The following SUGCT variants were observed in gnomAD, a reference collection of about 807,000 sequenced individuals.
The protein encoded by SUGCT is succinyl-CoA:glutarate-CoA transferase.
A neutral mutation model predicts 55.0 loss-of-function variants in SUGCT; 41 were observed. The observed-to-expected ratio is 0.74, with a 90% CI of 0.58 to 0.97. The LOEUF (loss-of-function observed/expected upper bound fraction) is 0.97. Among genes scored for constraint, SUGCT ranks in the 50% least tolerant of loss-of-function variants. The pLI is 0.00. For synonymous variants in SUGCT, 187 were observed against 200.4 expected, an observed-to-expected ratio of 0.93 and a Z score of 0.56; for missense variants, 568 against 547.8, an observed-to-expected ratio of 1.04 and a Z score of -0.37.
chr7:40,713,359 C>T (rs1189062794), intron 12 of SUGCT, among the ~76,000 whole-genome samples: 1 of 152,156 alleles, frequency 6.6e-6, no homozygotes, highest in Non-Finnish European at 1.5e-5. Context: ...ATTTCCTTAG[C>T]CCCTTCTAAG....
At chr7:40,166,210 T>G (rs1463647032) in intron 1 of SUGCT, among the ~76,000 whole-genome samples, 1 of 152,220 alleles carries the variant, frequency 6.6e-6, no homozygotes, top group East Asian at 1.9e-4. Context: ...ACATTTCATT[T>G]AAAACTTGCA....
Position 40,459,153 on chromosome 7 carries a change from T to G in SUGCT, c.941T>G (p.Leu314Arg). 6.2e-7 allele frequency: 1 copy of G among 1,611,830 alleles called. No homozygotes were observed. Among genetic ancestry groups the G allele is most frequent in the Non-Finnish European group, 8.5e-7 (1 of 1,178,628 alleles). ...AATTCCAAGTATAAAACTAACCACC[T>G]TCGGGTACACAATAGAAAAGAGCTT... ...IDNSKYKTNH[L>R]RVHNRKELIK... Residue 314 changes from leucine (L) to arginine (R), a missense_variant, in exon 11 of 14, where the codon CTT (leucine) becomes CGT (arginine). Physicochemically the swap from Leu to Arg is moderately radical, Grantham distance 102. Coordinates refer to ENST00000335693, the MANE Select transcript of SUGCT (RefSeq NM_001193313.2).
At chr7:40,808,632 G>T (rs543684691) in intron 13 of SUGCT, among the ~76,000 whole-genome samples, 16 of 152,332 alleles carry the variant, frequency 1.1e-4, no homozygotes, top group Middle Eastern at 3.4e-3. Flanking sequence ...TGGTAAGGAA[G>T]AACATTCCTC....
Position 40,459,121 on chromosome 7 carries a change from G to T in SUGCT, c.909G>T (p.Leu303Phe). The T allele has an allele frequency of 6.2e-7, 1 of 1,610,680 alleles. No individual in the cohort carries two copies. Among genetic ancestry groups the T allele is most frequent in the South Asian group, 1.1e-5 (1 of 90,946 alleles). ...TTTAGATCTTGGATTTGCCTGAGTT[G>T]ATTGATAATTCCAAGTATAAAACTA... ...TVCKILDLPE[L>F]IDNSKYKTNH... The change falls in exon 11 of 14, where the codon TTG becomes TTT. Residue 303 changes from leucine (L) to phenylalanine (F), a missense_variant. Leu to Phe is a conservative substitution (Grantham distance 22). Transcript: ENST00000335693.
Position 40,499,820 on chromosome 7 carries a change from G to A in SUGCT, c.1089+3434G>A, listed in dbSNP as rs141986235. 5.4e-3 allele frequency among the ~76,000 whole-genome samples: 816 copies of A among 152,162 alleles called. 12 individuals are homozygous for A. The highest frequency in any genetic ancestry group is 0.018 in the African/African-American group (761 of 41,506). ...ATCTTCTTTTAATCAAGCCAAGATT[G>A]TGCAGTACATTAAAGGAATTCTTAA... is the stretch of plus-strand genomic sequence containing the variant. On this transcript the variant is annotated intron_variant, in intron 12 of 13. Coordinates refer to ENST00000335693, the MANE Select transcript of SUGCT (RefSeq NM_001193313.2).
intron 12 of SUGCT, among the ~76,000 whole-genome samples, chr7:40,712,208 T>C (rs1785763117): frequency 1.3e-5 from 2 of 152,248 alleles, no homozygotes; most frequent in Non-Finnish European, 2.9e-5. Flanking sequence ...TTACTAAACA[T>C]TCATCTTGTA....
intron 9 of SUGCT, among the ~76,000 whole-genome samples, chr7:40,342,194 A>C (rs1308027106): frequency 6.6e-6 from 1 of 152,216 alleles, no homozygotes; most frequent in African/African-American, 2.4e-5. Context: ...TTGATTTTTG[A>C]ACCTCTCTAA....
At chr7:40,241,736 A>G (rs1203352784) in intron 7 of SUGCT, among the ~76,000 whole-genome samples, 2 of 151,942 alleles carry the variant, frequency 1.3e-5, no homozygotes, top group Non-Finnish European at 2.9e-5. Flanking sequence ...CCTGGCCAAC[A>G]TGCTGAAACC....
intron 12 of SUGCT, among the ~76,000 whole-genome samples, chr7:40,598,815 A>G (rs903786709): frequency 2.6e-5 from 4 of 151,422 alleles, no homozygotes; most frequent in East Asian, 2.0e-4. Flanking sequence ...ATAGTGTGCA[A>G]ATTTTCAAAC....
At chr7:40,275,888 T>C (rs1792438376) in intron 8 of SUGCT, among the ~76,000 whole-genome samples, 1 of 152,202 alleles carries the variant, frequency 6.6e-6, no homozygotes, top group South Asian at 2.1e-4. Context: ...TATGTGGAAG[T>C]TGATTCTGAA....
intron 9 of SUGCT, among the ~76,000 whole-genome samples, chr7:40,440,606 A>G (rs186340022): frequency 6.6e-6 from 1 of 152,148 alleles, no homozygotes; most frequent in East Asian, 1.9e-4. Context: ...CTCAACCATG[A>G]TATTCATGAT....
chr7:40,599,085 G>A (rs1318577020), intron 12 of SUGCT, among the ~76,000 whole-genome samples: 1 of 152,122 alleles, frequency 6.6e-6, no homozygotes, highest in African/African-American at 2.4e-5. Flanking sequence ...TGTTGCTGCT[G>A]CCAACTTCCG....
At chr7:40,608,440 T>C (rs1002119359) in intron 12 of SUGCT, among the ~76,000 whole-genome samples, 1 of 152,204 alleles carries the variant, frequency 6.6e-6, no homozygotes, top group African/African-American at 2.4e-5. Flanking sequence ...TTTCAACACA[T>C]GTAAGCCTAA....
At chr7:40,647,625 T>A (rs1172300840) in intron 12 of SUGCT, among the ~76,000 whole-genome samples, 1 of 151,844 alleles carries the variant, frequency 6.6e-6, no homozygotes, top group Non-Finnish European at 1.5e-5. Flanking sequence ...CCAAGGTGGG[T>A]GGATCACCTG....
intron 13 of SUGCT, among the ~76,000 whole-genome samples, chr7:40,858,403 CAAAA>C (rs58628576): frequency 2.0e-4 from 7 of 34,752 alleles, no homozygotes; most frequent in Non-Finnish European, 2.8e-4. Flanking sequence ...AATTCCATCT[CAAAA>C]AAAAAAAAAA....
intron 7 of SUGCT, among the ~76,000 whole-genome samples, chr7:40,244,928 T>G (rs1789717683): frequency 1.3e-5 from 2 of 152,150 alleles, no homozygotes; most frequent in African/African-American, 4.8e-5. Flanking sequence ...AATATAAATC[T>G]CCTTTCCTCT....
At chr7:40,285,740 G>C (rs564030742) in intron 8 of SUGCT, among the ~76,000 whole-genome samples, 89 of 152,134 alleles carry the variant, frequency 5.9e-4, no homozygotes, top group Non-Finnish European at 1.0e-3. Context: ...GAATGGGTAT[G>C]AGGTATAACG....
chr7:40,641,052 C>T (rs1800248156), intron 12 of SUGCT, among the ~76,000 whole-genome samples: 1 of 152,200 alleles, frequency 6.6e-6, no homozygotes, highest in Non-Finnish European at 1.5e-5. Flanking sequence ...AGTTCAAATA[C>T]CCTTCGTGAT....
chr7:40,524,375 G>A (rs1288873880), intron 12 of SUGCT, among the ~76,000 whole-genome samples: 2 of 152,030 alleles, frequency 1.3e-5, no homozygotes, highest in Admixed American at 1.3e-4. Flanking sequence ...GTGTTTGCTA[G>A]GACCTACTTT....
Sources: gnomAD v4.1 joint callset for allele counts (sites outside exome capture counted in the v4.1 genomes callset) on GRCh38, gnomAD v4.1.1 for gene constraint, MANE v1.5 for transcripts, NCBI Gene and HGNC (gene_info 2026-07-23, HGNC 2026-07-21) for gene names.